The following CFAP61 variants were observed in gnomAD, a reference collection of about 807,000 sequenced individuals.
The protein encoded by CFAP61 is cilia and flagella associated protein 61, also known as cilia- and flagella-associated protein 61.
Under a neutral mutation model 135.6 loss-of-function variants are expected in CFAP61, and 107 were observed. That is an observed-to-expected ratio of 0.79 (90% CI 0.67 to 0.93). The LOEUF is 0.93. Among genes scored for constraint, CFAP61 ranks in the 40% least tolerant of loss-of-function variants. The probability of loss-of-function intolerance (pLI) is 0.00; values close to 1 mark genes in which losing one functional copy is unlikely to be tolerated. For synonymous variants in CFAP61, 575 were observed against 578.5 expected, an observed-to-expected ratio of 0.99 and a Z score of 0.09; for missense variants, 1,507 against 1,556.2, an observed-to-expected ratio of 0.97 and a Z score of 0.53.
chr20:20,303,276 G>A (rs1227359981), intron 25 of CFAP61, among the ~76,000 whole-genome samples: 2 of 152,138 alleles, frequency 1.3e-5, no homozygotes, highest in African/African-American at 2.4e-5. Context: ...AAACAGACTC[G>A]GTGAGTTTGA....
chr20:20,261,218 C>T (rs114741605), intron 20 of CFAP61, among the ~76,000 whole-genome samples: 5 of 152,244 alleles, frequency 3.3e-5, no homozygotes, highest in Admixed American at 6.5e-5. Context: ...AAATACATCA[C>T]GGCAATGTAC....
intron 16 of CFAP61, among the ~76,000 whole-genome samples, chr20:20,197,146 G>A (rs2056346589): frequency 6.6e-6 from 1 of 152,148 alleles, no homozygotes; most frequent in Non-Finnish European, 1.5e-5. Flanking sequence ...GAACATTTCA[G>A]TGATGAATCC....
intron 25 of CFAP61, among the ~76,000 whole-genome samples, chr20:20,331,481 A>G (rs993775789): frequency 6.6e-6 from 1 of 151,450 alleles, no homozygotes; most frequent in Non-Finnish European, 1.5e-5. Flanking sequence ...CTGAAAGAGA[A>G]TTATTTTTAA....
chr20:20,220,633 G>GA (rs918896571), intron 17 of CFAP61, among the ~76,000 whole-genome samples: 2 of 152,060 alleles, frequency 1.3e-5, no homozygotes, highest in African/African-American at 4.8e-5. Flanking sequence ...GTCAGTGTGG[G>GA]AAAAAAACTC....
At chr20:20,355,054 TGTGA>T (rs2059023422) in intron 26 of CFAP61, among the ~76,000 whole-genome samples, 2 of 134,022 alleles carry the variant, frequency 1.5e-5, no homozygotes, top group African/African-American at 5.8e-5. Context: ...GTGGTCACAC[TGTGA>T]GAGGGAAGGT....
chr20:20,091,240 AC>A (rs1248698147), intron 7 of CFAP61, among the ~76,000 whole-genome samples: 1 of 151,622 alleles, frequency 6.6e-6, no homozygotes, highest in Non-Finnish European at 1.5e-5. Context: ...AATGGAAAAG[AC>A]CCCCCAGGGG....
chr20:20,184,634 G>A (rs1302709868), intron 13 of CFAP61: 1 of 152,256 alleles, frequency 6.6e-6, no homozygotes, highest in East Asian at 1.9e-4. Flanking sequence ...ATTACAGGTA[G>A]GAACTTCTGA....
rs190718764 is a variant in CFAP61 at position 20,220,535 on chromosome 20, G to T, written c.1933-7714G>T. On this transcript the variant is annotated intron_variant, in intron 17 of 26. Coordinates refer to ENST00000245957, the MANE Select transcript of CFAP61 (RefSeq NM_015585.4). ...TTGGCATGTGAAGTGGGGGTACAGG[G>T]AGCAGCCTTGTGGGACTAAGCCTAG... 7.2e-5 allele frequency among the ~76,000 whole-genome samples: 11 copies of T among 152,274 alleles called. No individual in the cohort carries two copies. The East Asian group carries it at 1.9e-3, about 27-fold the overall frequency.
chr20:20,171,742 A>G (rs567118191), intron 13 of CFAP61: 8 of 675,192 alleles, frequency 1.2e-5, no homozygotes, highest in South Asian at 5.1e-5. Context: ...GTGTTTCAAT[A>G]TAATTTATAA....
At position 20,069,465 on chromosome 20, in the gene CFAP61, A is replaced by T. The variant is rs8115595; in HGVS notation, c.144-1389A>T. On this transcript the variant is annotated intron_variant, in intron 2 of 26. Coordinates refer to ENST00000245957, the MANE Select transcript of CFAP61 (RefSeq NM_015585.4). The stretch of plus-strand genomic sequence containing the variant: ...CGGCTAATTTTTATATTTTTAGTCA[A>T]GATGGGTTTTCACCATGTTGGCCAG... Among the ~76,000 whole-genome samples, 741 of 152,254 alleles carry T rather than the reference A, an allele frequency of 4.9e-3. 8 individuals are homozygous for T. The highest frequency in any genetic ancestry group is 0.017 in the African/African-American group (701 of 41,546).
At chr20:20,358,653 C>G (rs931912954) in intron 26 of CFAP61, among the ~76,000 whole-genome samples, 2 of 152,168 alleles carry the variant, frequency 1.3e-5, no homozygotes, top group African/African-American at 4.8e-5. Context: ...CTTTATTGCT[C>G]TAGTTTAAAT....
intron 9 of CFAP61, among the ~76,000 whole-genome samples, chr20:20,151,643 A>G (rs2328497): frequency 0.9 from 136,744 of 151,652 alleles, 62,471 homozygotes; most frequent in Middle Eastern, 0.99. Context: ...TGACTAACAC[A>G]GTGAAACCCC....
intron 11 of CFAP61, among the ~76,000 whole-genome samples, chr20:20,164,775 A>G (rs1291725621): frequency 1.3e-5 from 2 of 152,216 alleles, no homozygotes; most frequent in East Asian, 1.9e-4. Flanking sequence ...TGATAAAGAC[A>G]TACTCAAGAC....
At chr20:20,292,024 A>G (rs193088139) in intron 24 of CFAP61, among the ~76,000 whole-genome samples, 1 of 152,362 alleles carries the variant, frequency 6.6e-6, no homozygotes, top group Admixed American at 6.5e-5. Flanking sequence ...GGTTCTGGCC[A>G]ATGAGATGTA....
chr20:20,233,439 A>C (rs902882471), intron 18 of CFAP61, among the ~76,000 whole-genome samples: 18 of 152,202 alleles, frequency 1.2e-4, no homozygotes, highest in African/African-American at 4.3e-4. Flanking sequence ...GGGCATGTGC[A>C]GGGCCGTCCT....
intron 25 of CFAP61, among the ~76,000 whole-genome samples, chr20:20,320,003 G>C (rs563034962): frequency 6.6e-6 from 1 of 152,194 alleles, no homozygotes; most frequent in Admixed American, 6.5e-5. Context: ...GTAGGAAACC[G>C]AGAGGATAGA....
chr20:20,287,425 C>T (rs1441345315), intron 22 of CFAP61, among the ~76,000 whole-genome samples: 1 of 152,208 alleles, frequency 6.6e-6, no homozygotes, highest in East Asian at 1.9e-4. Flanking sequence ...TAACTGAGCA[C>T]TTAAAATGGG....
intron 24 of CFAP61, among the ~76,000 whole-genome samples, chr20:20,294,507 C>T (rs1030151265): frequency 1.3e-5 from 2 of 152,242 alleles, no homozygotes; most frequent in African/African-American, 4.8e-5. Flanking sequence ...ACCTCCTCAT[C>T]GCTTTCTCTA....
chr20:20,301,298 T>A (rs2056078460), intron 25 of CFAP61, among the ~76,000 whole-genome samples: 1 of 152,180 alleles, frequency 6.6e-6, no homozygotes, highest in South Asian at 2.1e-4. Context: ...CCTACAGTAT[T>A]CAGTATAGAA....
Sources: allele counts gnomAD v4.1 joint callset (sites outside exome capture counted in the v4.1 genomes callset), GRCh38; gene constraint gnomAD v4.1.1; transcripts MANE v1.5; gene names NCBI Gene and HGNC (gene_info 2026-07-23, HGNC 2026-07-21).